STARD13: variants seen among roughly 807,000 people sequenced by gnomAD.
STARD13 encodes StAR related lipid transfer domain containing 13.
STARD13 carries 62 observed loss-of-function variants against 106.4 expected under a neutral mutation model. The observed-to-expected ratio is 0.58, with a 90% confidence interval of 0.48 to 0.72. STARD13 has a LOEUF of 0.72. Among genes scored for constraint, STARD13 ranks in the 30% least tolerant of loss-of-function variants. STARD13 has a pLI of 0.00. For synonymous variants in STARD13, 565 were observed against 553.0 expected (o/e 1.02, Z -0.31); for missense variants, 1,387 against 1,424.0 (o/e 0.97, Z 0.42).
chr13:33,382,331 G>A, the STARD13 span, among the ~76,000 whole-genome samples: 21 of 152,038 alleles, frequency 1.4e-4, no homozygotes, highest in African/African-American at 4.8e-4. Context: ...CCTCCCCACA[G>A]GTAACTCCTA....
the STARD13 span, among the ~76,000 whole-genome samples, chr13:33,653,992 G>C: frequency 6.6e-6 from 1 of 152,088 alleles, no homozygotes; most frequent in South Asian, 2.1e-4. Flanking sequence ...CCACTTCACA[G>C]CAACTAGAAT....
At chr13:33,564,232 A>C in the STARD13 span, among the ~76,000 whole-genome samples, 1 of 145,310 alleles carries the variant, frequency 6.9e-6, no homozygotes, top group South Asian at 2.2e-4. Flanking sequence ...AAAAAAGAAA[A>C]GATCTGAACA....
chr13:33,227,217 C>G (rs1035131248), intron 1 of STARD13, among the ~76,000 whole-genome samples: 6 of 152,228 alleles, frequency 3.9e-5, no homozygotes, highest in Admixed American at 3.9e-4. Context: ...AAGCCATTCC[C>G]TTAAAGTTCC....
chr13:33,151,635 G>A (rs1881294826), intron 3 of STARD13, among the ~76,000 whole-genome samples: 1 of 152,182 alleles, frequency 6.6e-6, no homozygotes. Flanking sequence ...TGGACAAGCA[G>A]GCAGGGGCTA....
intron 1 of STARD13, among the ~76,000 whole-genome samples, chr13:33,303,289 T>A (rs1294742876): frequency 6.6e-6 from 1 of 152,178 alleles, no homozygotes; most frequent in East Asian, 1.9e-4. Context: ...CCCACGCACA[T>A]CTTTGAACCT....
At chr13:33,623,636 T>C in the STARD13 span, among the ~76,000 whole-genome samples, 8 of 152,094 alleles carry the variant, frequency 5.3e-5, no homozygotes, top group Non-Finnish European at 1.2e-4. Flanking sequence ...TTTAATTATC[T>C]GCATCTACCT....
chr13:33,434,352 C>CAAAAAAAAAAAAAAAAAAAAAAAAA, the STARD13 span, among the ~76,000 whole-genome samples: 1 of 70,322 alleles, frequency 1.4e-5, no homozygotes, highest in Non-Finnish European at 2.5e-5. Flanking sequence ...GACTCTGTCT[C>CAAAAAAAAAAAAAAAAAAAAAAAAA]AAAAAAAAAA....
chr13:33,251,572 C>G (rs376529219), intron 1 of STARD13, among the ~76,000 whole-genome samples: 9 of 152,120 alleles, frequency 5.9e-5, no homozygotes, highest in Non-Finnish European at 1.2e-4. Context: ...AGGAAGTGCA[C>G]AAGACATCAT....
chr13:33,186,539 C>G (rs1034190141), intron 1 of STARD13, among the ~76,000 whole-genome samples: 14 of 152,136 alleles, frequency 9.2e-5, no homozygotes, highest in Non-Finnish European at 2.1e-4. Context: ...AAGAGACTTC[C>G]TTCCTTTTCC....
intron 9 of STARD13, 71 bp downstream of exon 9, chr13:33,112,650 T>A (rs546241588): frequency 1.6e-6 from 2 of 1,213,238 alleles, no homozygotes; most frequent in African/African-American, 1.5e-5. Context: ...CATCCATCCA[T>A]CCATCCAGTC....
At chr13:33,509,843 G>T in the STARD13 span, among the ~76,000 whole-genome samples, 1 of 152,296 alleles carries the variant, frequency 6.6e-6, no homozygotes, top group South Asian at 2.1e-4. Flanking sequence ...CCCACAGGAA[G>T]GAGGAACTAA....
In STARD13 at chr13:33,113,244, C is replaced by T. The variant is rs1484884687; in HGVS notation, c.2282-313G>A. 5 of 421,368 alleles carry T rather than the reference C, an allele frequency of 1.2e-5. No individual in the cohort carries two copies. The Admixed American group carries it at 1.8e-4, about 15-fold the overall frequency. 26.1% of individuals were successfully genotyped at this position (421,368 alleles called of 1,614,324 possible). A position where few individuals can be genotyped will look rare whatever the true frequency, so the allele number is the denominator to read the frequency against. ...TCTGAGCAATCAACCCACTCACCTG[C>T]TTTCAGAAGGCTTCTGGGTGAAGTT... is the stretch of plus-strand genomic sequence containing the variant. On this transcript the variant is annotated intron_variant, in intron 8 of 13. Transcript: ENST00000336934.
chr13:33,218,572 C>T (rs1257338447), intron 1 of STARD13, among the ~76,000 whole-genome samples: 1 of 152,152 alleles, frequency 6.6e-6, no homozygotes, highest in Non-Finnish European at 1.5e-5. Context: ...AGTTCTCACT[C>T]CAAAGCATGT....
chr13:33,244,177 A>G (rs1889707378), intron 1 of STARD13, among the ~76,000 whole-genome samples: 1 of 152,044 alleles, frequency 6.6e-6, no homozygotes, highest in South Asian at 2.1e-4. Flanking sequence ...GGGAATGCCG[A>G]TACCATGAAA....
At chr13:33,360,728 A>AGAAGGATTCCTTCTGTG in the STARD13 span, among the ~76,000 whole-genome samples, 6 of 9,890 alleles carry the variant, frequency 6.1e-4, no homozygotes, top group African/African-American at 1.5e-3. Flanking sequence ...ACAGAAGGAC[A>AGAAGGATTCCTTCTGTG]TATTGTTGAT....
At chr13:33,524,594 A>C in the STARD13 span, among the ~76,000 whole-genome samples, 1 of 152,048 alleles carries the variant, frequency 6.6e-6, no homozygotes, top group Admixed American at 6.6e-5. Context: ...AGGACTTGAT[A>C]ATGTAAGTTT....
At chr13:33,597,360 C>A in the STARD13 span, among the ~76,000 whole-genome samples, 1 of 151,526 alleles carries the variant, frequency 6.6e-6, no homozygotes, top group Non-Finnish European at 1.5e-5. Context: ...AAATCCTTTG[C>A]CCATTTTAAA....
At position 33,312,341 on chromosome 13, in the gene STARD13, T is replaced by C. The variant is rs148424871; in HGVS notation, c.124+37949A>G. 2.4e-3 allele frequency among the ~76,000 whole-genome samples: 372 copies of C among 152,330 alleles called. 1 individual carries two copies. The highest frequency in any genetic ancestry group is 4.1e-3 in the Non-Finnish European group (278 of 68,026). On this transcript the variant is annotated intron_variant, in intron 1 of 5. Coordinates refer to the STARD13 transcript ENST00000567873. The stretch of plus-strand genomic sequence containing the variant: ...TCCTGGGTTCTAGATGCCACCTAGC[T>C]GGGGAAGATAGTCTTTCAAGTTGAA...
chr13:33,399,568 G>A, the STARD13 span, among the ~76,000 whole-genome samples: 1 of 151,696 alleles, frequency 6.6e-6, no homozygotes, highest in Non-Finnish European at 1.5e-5. Context: ...GGGCGTGGTG[G>A]CTGGTGCCTG....
Sources: gnomAD v4.1 joint callset for allele counts (sites outside exome capture counted in the v4.1 genomes callset) on GRCh38, gnomAD v4.1.1 for gene constraint, MANE v1.5 for transcripts, NCBI Gene and HGNC (gene_info 2026-07-23, HGNC 2026-07-21) for gene names.